Variants in CNOT10 observed in about 807,000 individuals in gnomAD.
CNOT10 encodes the protein CCR4-NOT transcription complex subunit 10, also known as CCR4-NOT transcription complex, subunit 10.
A neutral mutation model predicts 94.6 loss-of-function variants in CNOT10; 30 were observed. That is an observed-to-expected ratio of 0.32 (90% CI 0.24 to 0.43). The LOEUF (loss-of-function observed/expected upper bound fraction) is 0.43. Among genes scored for constraint, CNOT10 ranks in the 20% least tolerant of loss-of-function variants. CNOT10 has a pLI of 1.00. For missense variants in CNOT10, 759 were observed against 877.2 expected (o/e 0.87, Z 1.70); for synonymous variants, 289 against 301.6 (o/e 0.96, Z 0.43).
chr3:32,761,436 A>G (rs1028933547), intron 14 of CNOT10, among the ~76,000 whole-genome samples: 3 of 152,170 alleles, frequency 2.0e-5, no homozygotes, highest in African/African-American at 7.2e-5. Flanking sequence ...TGGGTCACCC[A>G]CACTAGAGTG....
intron 15 of CNOT10, among the ~76,000 whole-genome samples, chr3:32,763,107 C>G (rs1030439562): frequency 6.6e-6 from 1 of 152,154 alleles, no homozygotes; most frequent in Non-Finnish European, 1.5e-5. Context: ...AATTTTGGTT[C>G]TGATACTATT....
At chr3:32,698,859 C>G (rs1162831532) in intron 1 of CNOT10, among the ~76,000 whole-genome samples, 1 of 152,196 alleles carries the variant, frequency 6.6e-6, no homozygotes. Flanking sequence ...AATCTCAGCT[C>G]ACTGCACACT....
Position 32,737,391 on chromosome 3 carries a change from A to G in CNOT10, c.1515-19A>G. The G allele has an allele frequency of 6.5e-7, 1 of 1,530,700 alleles. No homozygotes were observed. Among genetic ancestry groups the G allele is most frequent in the South Asian group, 1.1e-5 (1 of 87,284 alleles). 94.8% of individuals were successfully genotyped at this position (1,530,700 alleles called of 1,614,324 possible). A position where few individuals can be genotyped will look rare whatever the true frequency, so the allele number is the denominator to read the frequency against. ...TTATTTGTTGCTCTTCATAATTAAG[A>G]CTCTTACCTCTATTTTAGCAGTAAA... On this transcript the variant is annotated intron_variant, in intron 12 of 18. Transcript: ENST00000328834.
At chr3:32,769,442 C>T (rs1700802246) in intron 17 of CNOT10, 1 of 171,756 alleles carries the variant, frequency 5.8e-6, no homozygotes, top group Non-Finnish European at 1.3e-5. Context: ...GTGTTTCAGT[C>T]CTTAAGAATG....
chr3:32,738,418 TAATG>T (rs1699289401), intron 13 of CNOT10, among the ~76,000 whole-genome samples: 1 of 152,138 alleles, frequency 6.6e-6, no homozygotes, highest in Non-Finnish European at 1.5e-5. Context: ...AGATTTTTGA[TAATG>T]AATTCAACTT....
intron 10 of CNOT10, chr3:32,730,665 C>T (rs898740409): frequency 2.0e-5 from 3 of 152,132 alleles, no homozygotes; most frequent in Admixed American, 1.3e-4. Context: ...TTAGTCAGGA[C>T]AGGAGGTATG....
chr3:32,711,488 T>C (rs1697888822), intron 4 of CNOT10, among the ~76,000 whole-genome samples: 1 of 151,982 alleles, frequency 6.6e-6, no homozygotes, highest in Admixed American at 6.6e-5. Flanking sequence ...CTGAGGTTGG[T>C]TGAATCTGTG....
intron 13 of CNOT10, among the ~76,000 whole-genome samples, chr3:32,756,350 C>A (rs1304932509): frequency 6.6e-6 from 1 of 152,180 alleles, no homozygotes; most frequent in Non-Finnish European, 1.5e-5. Context: ...TTGAAGAAAG[C>A]AGATTTTTAT....
At chr3:32,718,517 G>A (rs2125544127) in intron 7 of CNOT10, among the ~76,000 whole-genome samples, 1 of 135,120 alleles carries the variant, frequency 7.4e-6, no homozygotes, top group South Asian at 2.4e-4. Context: ...CCGGGAGGCG[G>A]ATCTTGCTGT....
chr3:32,711,974 T>A (rs1267089581), intron 4 of CNOT10, among the ~76,000 whole-genome samples: 2 of 152,212 alleles, frequency 1.3e-5, no homozygotes, highest in Non-Finnish European at 2.9e-5. Flanking sequence ...AATTTTCTCT[T>A]CTAGACCTTA....
intron 13 of CNOT10, among the ~76,000 whole-genome samples, chr3:32,751,479 G>T (rs1393386061): frequency 6.6e-6 from 1 of 152,146 alleles, no homozygotes; most frequent in Non-Finnish European, 1.5e-5. Context: ...GAAATGTTTG[G>T]AGCAAATTTA....
chr3:32,698,017 C>G (rs1434433951), intron 1 of CNOT10, among the ~76,000 whole-genome samples: 2 of 152,136 alleles, frequency 1.3e-5, no homozygotes, highest in African/African-American at 2.4e-5. Context: ...CTTCTGAGGT[C>G]CTAAAGTCCT....
At chr3:32,689,709 T>C (rs1696772499) in intron 1 of CNOT10, among the ~76,000 whole-genome samples, 1 of 152,116 alleles carries the variant, frequency 6.6e-6, no homozygotes, top group Non-Finnish European at 1.5e-5. Flanking sequence ...TGCTCACACC[T>C]GTGGGAGGCT....
intron 14 of CNOT10, among the ~76,000 whole-genome samples, chr3:32,760,525 G>A (rs1162688000): frequency 6.6e-6 from 1 of 151,992 alleles, no homozygotes; most frequent in African/African-American, 2.4e-5. Context: ...CCAGCTACTC[G>A]GGAAGTTGAA....
At chr3:32,747,542 C>A (rs1283902215) in intron 13 of CNOT10, among the ~76,000 whole-genome samples, 3 of 151,942 alleles carry the variant, frequency 2.0e-5, no homozygotes, top group African/African-American at 7.2e-5. Context: ...AATTATATTT[C>A]TTCCTTTTTT....
intron 1 of CNOT10, among the ~76,000 whole-genome samples, chr3:32,687,081 A>G (rs969582108): frequency 1.3e-5 from 2 of 152,174 alleles, no homozygotes; most frequent in Non-Finnish European, 2.9e-5. Flanking sequence ...GCCATATTGA[A>G]GGAAACTTCC....
chr3:32,711,055 C>T (rs1459455508), intron 4 of CNOT10, among the ~76,000 whole-genome samples: 1 of 152,104 alleles, frequency 6.6e-6, no homozygotes, highest in Non-Finnish European at 1.5e-5. Flanking sequence ...GCTAATTGAG[C>T]ACATGGTCCA....
chr3:32,746,966 G>A (rs1365320111), intron 13 of CNOT10, among the ~76,000 whole-genome samples: 2 of 151,550 alleles, frequency 1.3e-5, no homozygotes, highest in Non-Finnish European at 2.9e-5. Context: ...GAATATAGCT[G>A]TAAATATAGG....
At chr3:32,687,452 G>GTTTTTTT (rs56091219) in intron 1 of CNOT10, among the ~76,000 whole-genome samples, 17 of 60,428 alleles carry the variant, frequency 2.8e-4, no homozygotes, top group Non-Finnish European at 3.1e-4. Flanking sequence ...TTTTTTTTTT[G>GTTTTTTT]TTTTTTTTTT....
Sources: gnomAD v4.1 joint callset for allele counts (sites outside exome capture counted in the v4.1 genomes callset) on GRCh38, gnomAD v4.1.1 for gene constraint, MANE v1.5 for transcripts, NCBI Gene and HGNC (gene_info 2026-07-23, HGNC 2026-07-21) for gene names.